The following KIF6 variants were observed in gnomAD, a reference collection of about 807,000 sequenced individuals.
The protein encoded by KIF6 is kinesin-like protein KIF6.
KIF6 carries 106 observed loss-of-function variants against 112.7 expected under a neutral mutation model. That is an observed-to-expected ratio of 0.94 (90% CI 0.80 to 1.11). The LOEUF (loss-of-function observed/expected upper bound fraction) is 1.11, where lower values mean the gene tolerates loss of function less well. KIF6 is among the 50% of genes least tolerant of loss of function. The pLI is 0.00. For missense variants in KIF6, 929 were observed against 964.0 expected (o/e 0.96, Z 0.48); for synonymous variants, 339 against 339.9 (o/e 1.00, Z 0.03).
At chr6:39,655,729 A>G (rs944659995) in intron 3 of KIF6, among the ~76,000 whole-genome samples, 6 of 152,196 alleles carry the variant, frequency 3.9e-5, no homozygotes, top group African/African-American at 1.4e-4. Context: ...TCTCATATAT[A>G]CATGGGTCTA....
At chr6:39,552,263 A>G (rs1270937892) in intron 10 of KIF6, among the ~76,000 whole-genome samples, 2 of 152,198 alleles carry the variant, frequency 1.3e-5, no homozygotes, top group Non-Finnish European at 2.9e-5. Flanking sequence ...TTCTTATTTA[A>G]GTGGAAAAAG....
At chr6:39,628,072 A>T (rs1784177183) in intron 5 of KIF6, among the ~76,000 whole-genome samples, 1 of 152,174 alleles carries the variant, frequency 6.6e-6, no homozygotes. Context: ...ATTATTGTAG[A>T]TTCACATACA....
chr6:39,360,637 G>C lies in KIF6; in HGVS notation c.1947-107C>G, dbSNP rs563438221. ...CGTGCCTCAGAATCCCGTCAGAGCT[G>C]CCCTGGTGCTCAGGGACTGGGACCC... On this transcript the variant is annotated intron_variant, in intron 17 of 22. Transcript: ENST00000287152. 60 of 1,303,628 alleles carry C rather than the reference G, an allele frequency of 4.6e-5. No individual in the cohort carries two copies. The South Asian group carries it at 7.2e-4, about 16-fold the overall frequency. The allele number at this position is 1,303,628 out of a possible 1,614,324, so 80.8% of individuals were successfully genotyped here.
chr6:39,675,708 A>C, intron 3 of KIF6, among the ~76,000 whole-genome samples: 1 of 152,160 alleles, frequency 6.6e-6, no homozygotes, highest in East Asian at 1.9e-4. Flanking sequence ...GTTTAAAATT[A>C]TTAAATACCC....
intron 3 of KIF6, chr6:39,690,358 T>C (rs939659683): frequency 6.6e-6 from 1 of 152,148 alleles, no homozygotes; most frequent in Non-Finnish European, 1.5e-5. Flanking sequence ...TTCCTGCATA[T>C]GAGTCCTTGA....
chr6:39,648,226 G>GGA (rs1554140766), intron 3 of KIF6, among the ~76,000 whole-genome samples: 3 of 109,060 alleles, frequency 2.8e-5, no homozygotes, highest in Non-Finnish European at 5.6e-5. Flanking sequence ...GGGCGGGCGG[G>GGA]GGGGGGTGCC....
chr6:39,364,949 A>T lies in KIF6; in HGVS notation c.1862-2431T>A, dbSNP rs142231479. ...GTTGGCCCCTATTAAGCTTGTGGTC[A>T]GTTTTAAAACTTGCATTTTTTAAAA... On this transcript the variant is annotated intron_variant, in intron 16 of 22. Transcript: ENST00000287152. Among the ~76,000 whole-genome samples the T allele has an allele frequency of 7.9e-5, 12 of 152,358 alleles. No individual in the cohort carries two copies. In the East Asian group the frequency reaches 2.1e-3, roughly 27 times the overall value.
chr6:39,694,529 C>T (rs893825602), intron 3 of KIF6, among the ~76,000 whole-genome samples: 3 of 152,116 alleles, frequency 2.0e-5, no homozygotes, highest in African/African-American at 7.2e-5. Flanking sequence ...CAATAACATT[C>T]AAGCTGAGAA....
At chr6:39,718,111 TC>T (rs1230278808) in intron 2 of KIF6, among the ~76,000 whole-genome samples, 2 of 149,988 alleles carry the variant, frequency 1.3e-5, no homozygotes, top group Non-Finnish European at 2.9e-5. Flanking sequence ...ATGCCTGTAA[TC>T]CCAGCTACTC....
At chr6:39,507,993 A>C (rs1582008710) in intron 13 of KIF6, among the ~76,000 whole-genome samples, 1 of 97,974 alleles carries the variant, frequency 1.0e-5, no homozygotes, top group Admixed American at 1.6e-4. Context: ...CCTCCCTCAC[A>C]ACCCCATATC....
At chr6:39,349,631 CTTTTTTTTTTTTTTTTTTT>C (rs58810898) in intron 19 of KIF6, among the ~76,000 whole-genome samples, 1 of 64,544 alleles carries the variant, frequency 1.5e-5, no homozygotes, top group Admixed American at 1.9e-4. Context: ...ATTTGTGGCT[CTTTTTTTTTTTTTTTTTTT>C]TTTTTTTTTT....
At chr6:39,463,296 G>A (rs1464774634) in intron 13 of KIF6, among the ~76,000 whole-genome samples, 2 of 151,980 alleles carry the variant, frequency 1.3e-5, no homozygotes, top group Non-Finnish European at 2.9e-5. Flanking sequence ...TAAATACTAT[G>A]TAAGCCTCTA....
intron 3 of KIF6, among the ~76,000 whole-genome samples, chr6:39,671,542 G>T (rs1013298032): frequency 1.3e-5 from 2 of 152,202 alleles, no homozygotes; most frequent in Non-Finnish European, 2.9e-5. Context: ...ATGGCCAGCT[G>T]AGGCCTACAT....
chr6:39,584,456 A>AAAAAAAAAAC (rs1781496955), intron 9 of KIF6, among the ~76,000 whole-genome samples: 1 of 143,552 alleles, frequency 7.0e-6, no homozygotes, highest in Non-Finnish European at 1.5e-5. Context: ...AAAAAAAAAA[A>AAAAAAAAAAC]AAAAGACTAT....
intron 6 of KIF6, among the ~76,000 whole-genome samples, chr6:39,608,342 C>A (rs761779048): frequency 5.9e-5 from 9 of 152,200 alleles, no homozygotes; most frequent in Non-Finnish European, 1.3e-4. Flanking sequence ...GCCTAGCCTA[C>A]CTTCAACGTG....
chr6:39,340,747 C>T (rs1763283646), intron 22 of KIF6, among the ~76,000 whole-genome samples: 2 of 152,176 alleles, frequency 1.3e-5, no homozygotes, highest in South Asian at 4.1e-4. Context: ...ACCACTCTGA[C>T]AGGGACCTGG....
intron 3 of KIF6, among the ~76,000 whole-genome samples, chr6:39,703,650 A>G (rs984959075): frequency 1.3e-5 from 2 of 152,198 alleles, no homozygotes; most frequent in African/African-American, 4.8e-5. Flanking sequence ...TTCACTGACA[A>G]TGATAGAAAC....
rs199511584 is a variant in KIF6, at chr6:39,596,212, G to T, written c.688C>A (p.His230Asn). ...STRSHCIFTIHLSSKEPGSAT... is the reference protein window; with the variant it reads ...STRSHCIFTINLSSKEPGSAT... ...GATCCTGGTTCCTTGCTTGACAAATGAATGGTGAAAATGCAGTGGGAACGG... is the reference window on the plus strand; with the variant it reads ...GATCCTGGTTCCTTGCTTGACAAATTAATGGTGAAAATGCAGTGGGAACGG... The change falls in exon 7 of 23, where the codon CAT becomes AAT. Residue 230 changes from histidine (H) to asparagine (N), a missense_variant. Around this residue, in one of 2 missense-constraint regions of KIF6, gnomAD observed 688 missense variants for 662.7 expected, o/e 1.04. Coordinates refer to ENST00000287152, the MANE Select transcript of KIF6 (RefSeq NM_145027.6). The T allele has an allele frequency of 6.2e-6, 10 of 1,614,022 alleles. No homozygotes were observed. Among genetic ancestry groups the T allele is most frequent in the Admixed American group, 5.0e-5 (3 of 59,992 alleles).
At chr6:39,443,346 G>A (rs554344683) in intron 13 of KIF6, among the ~76,000 whole-genome samples, 1 of 151,812 alleles carries the variant, frequency 6.6e-6, no homozygotes, top group Non-Finnish European at 1.5e-5. Context: ...CATTGTTAAC[G>A]TGTCCTGTTG....
Sources: allele counts gnomAD v4.1 joint callset (sites outside exome capture counted in the v4.1 genomes callset), GRCh38; gene constraint gnomAD v4.1.1; regional missense constraint gnomAD v4.1.1; transcripts MANE v1.5; gene names NCBI Gene and HGNC (gene_info 2026-07-23, HGNC 2026-07-21).